The following ESRRB variants were observed in gnomAD, a reference collection of about 807,000 sequenced individuals.
ESRRB encodes estrogen related receptor beta.
ESRRB carries 16 observed loss-of-function variants against 46.0 expected under a neutral mutation model. The ratio of observed to expected loss-of-function variants is 0.35; its 90% CI spans 0.24 to 0.53. ESRRB has a LOEUF of 0.53. Ranked by LOEUF, ESRRB falls within the 20% of genes least tolerant of loss-of-function variation. ESRRB has a pLI of 0.93. For synonymous variants in ESRRB, 246 were observed against 259.6 expected (o/e 0.95, Z 0.50); for missense variants, 488 against 607.4 (o/e 0.80, Z 2.07).
At chr14:76,323,222 T>A (rs1883888602) in intron 1 of ESRRB, among the ~76,000 whole-genome samples, 1 of 152,130 alleles carries the variant, frequency 6.6e-6, no homozygotes, top group African/African-American at 2.4e-5. Flanking sequence ...CTCTAGAGCA[T>A]TCACATTCTT....
upstream of ESRRB, among the ~76,000 whole-genome samples, chr14:76,375,042 A>G (rs1370048634): frequency 6.6e-6 from 1 of 152,050 alleles, no homozygotes; most frequent in Non-Finnish European, 1.5e-5. Context: ...CATTATTTTG[A>G]TGATAAAATT....
intron 1 of ESRRB, among the ~76,000 whole-genome samples, chr14:76,331,839 G>A (rs1388291240): frequency 6.6e-6 from 1 of 151,718 alleles, no homozygotes; most frequent in Non-Finnish European, 1.5e-5. Context: ...CACGTGCCTG[G>A]CTTTGCTCAT....
rs547896117 is a variant in ESRRB at position 76,489,639 on chromosome 14, C to T, written c.851-1808C>T. ...AAGTTGTATAGATCAGTCTTGGGAA[C>T]TGTGATAATTCACTTGGAGAATGCT... On this transcript the variant is annotated intron_variant, in intron 5 of 6. Transcript: ENST00000644823. Among the ~76,000 whole-genome samples, 126 of 152,318 alleles carry T rather than the reference C, an allele frequency of 8.3e-4. 1 individual carries two copies. Among genetic ancestry groups the T allele is most frequent in the African/African-American group, 3.0e-3 (123 of 41,564 alleles).
chr14:76,395,574 C>T (rs940695233), intron 1 of ESRRB, among the ~76,000 whole-genome samples: 12 of 152,136 alleles, frequency 7.9e-5, no homozygotes, highest in African/African-American at 2.4e-4. Flanking sequence ...TCCCTGTGCA[C>T]GCTGGCCTCA....
intron 1 of ESRRB, among the ~76,000 whole-genome samples, chr14:76,416,454 C>T (rs1010942173): frequency 4.6e-5 from 7 of 151,530 alleles, no homozygotes; most frequent in African/African-American, 1.5e-4. Flanking sequence ...TTTTTCCCCC[C>T]GTCTCTGCTT....
At chr14:76,436,223 G>A (rs1232730236) in intron 1 of ESRRB, among the ~76,000 whole-genome samples, 5 of 152,326 alleles carry the variant, frequency 3.3e-5, no homozygotes, top group South Asian at 2.1e-4. Flanking sequence ...GCCATGAGAC[G>A]GGTGCAGGGA....
At chr14:76,373,370 A>G (rs1234441096), upstream of ESRRB, among the ~76,000 whole-genome samples, 2 of 152,066 alleles carry the variant, frequency 1.3e-5, no homozygotes, top group Non-Finnish European at 2.9e-5. Context: ...TTTTCTGGAG[A>G]AGAGATGACT....
chr14:76,416,898 C>A (rs984778191), intron 1 of ESRRB, among the ~76,000 whole-genome samples: 2 of 152,100 alleles, frequency 1.3e-5, no homozygotes, highest in East Asian at 3.9e-4. Context: ...AGATGATAAA[C>A]GGAGAAGCAA....
Position 76,500,056 on chromosome 14 carries a change from CAGG to C in ESRRB, c.*1602_*1604del. 6.4e-7 allele frequency: 1 copy of C among 1,551,176 alleles called. No homozygotes were observed. ...CAGATCTCACCCAGCACTAGGACAC[CAGG>C]AGGCCAGGTAACTTTCTGCAGCTTT... is the stretch of plus-strand genomic sequence containing the variant. On this transcript the variant is annotated 3_prime_UTR_variant, in exon 7 of 7. Coordinates refer to ENST00000644823, the MANE Select transcript of ESRRB (RefSeq NM_001379180.1).
chr14:76,430,841 G>A (rs951645401), intron 1 of ESRRB, among the ~76,000 whole-genome samples: 1 of 152,234 alleles, frequency 6.6e-6, no homozygotes, highest in East Asian at 1.9e-4. Context: ...TCTGGGGGCC[G>A]TCCTTCAGCC....
Position 76,482,556 on chromosome 14 carries a change from C to T in ESRRB, c.689-42C>T, listed in dbSNP as rs1429844639. ...CTGAGCCTCCACCCCGGCCCCTTTCCTCTTTTCCCAGCATTTACCTTTCCC... is the reference window on the plus strand; with the variant it reads ...CTGAGCCTCCACCCCGGCCCCTTTCTTCTTTTCCCAGCATTTACCTTTCCC... On this transcript the variant is annotated intron_variant, in intron 4 of 6. Transcript: ENST00000644823. This position sits in a 1 kb window ranked among gnomAD's most constrained non-coding sequence, Gnocchi z 4.3. 3.1e-6 allele frequency: 5 copies of T among 1,613,200 alleles called. No individual in the cohort carries two copies. Among genetic ancestry groups the T allele is most frequent in the East Asian group, 2.2e-5 (1 of 44,874 alleles).
intron 1 of ESRRB, among the ~76,000 whole-genome samples, chr14:76,425,635 T>C (rs1168129709): frequency 2.6e-5 from 4 of 152,152 alleles, no homozygotes; most frequent in African/African-American, 9.7e-5. Context: ...TAAATGTCAC[T>C]TCCTCAGAGA....
rs573220909 is a variant in ESRRB, at chr14:76,361,289, G to A, written c.2+50373G>A. Among the ~76,000 whole-genome samples the A allele has an allele frequency of 2.0e-5, 3 of 152,294 alleles. No individual in the cohort carries two copies. The South Asian group carries it at 6.2e-4, about 32-fold the overall frequency. On this transcript the variant is annotated intron_variant, in intron 1 of 6. Transcript: ENST00000512784. ...CCATTCAAGGTGGCTGCCTTGAGAT[G>A]TCCCTTATGATGGGAGGCTGGGATG...
At chr14:76,458,200 A>C (rs1349751430) in intron 2 of ESRRB, among the ~76,000 whole-genome samples, 6 of 152,034 alleles carry the variant, frequency 3.9e-5, no homozygotes, top group Admixed American at 3.9e-4. Flanking sequence ...CCTCAGCTGC[A>C]CGTGTGTGTG....
At chr14:76,372,924 G>A (rs1216958594), upstream of ESRRB, among the ~76,000 whole-genome samples, 1 of 152,248 alleles carries the variant, frequency 6.6e-6, no homozygotes, top group Non-Finnish European at 1.5e-5. Context: ...TGCTTTGCCA[G>A]ATATTCTCTG....
intron 2 of ESRRB, among the ~76,000 whole-genome samples, chr14:76,460,667 A>C (rs1231025052): frequency 6.6e-6 from 1 of 151,874 alleles, no homozygotes; most frequent in African/African-American, 2.4e-5. Flanking sequence ...ATACCAAAAC[A>C]GTACTGTGAT....
At chr14:76,351,970 G>A (rs1884318234) in intron 1 of ESRRB, among the ~76,000 whole-genome samples, 2 of 133,252 alleles carry the variant, frequency 1.5e-5, no homozygotes, top group Admixed American at 7.7e-5. Flanking sequence ...GGGAGACAGA[G>A]TGAGACCCAG....
intron 1 of ESRRB, among the ~76,000 whole-genome samples, chr14:76,338,697 C>A (rs1238524288): frequency 6.6e-6 from 1 of 152,168 alleles, no homozygotes; most frequent in Admixed American, 6.5e-5. Flanking sequence ...TGTAATCCCA[C>A]CACTTTGGGA....
intron 3 of ESRRB, among the ~76,000 whole-genome samples, chr14:76,480,168 A>T (rs1222127614): frequency 6.6e-6 from 1 of 152,138 alleles, no homozygotes; most frequent in Non-Finnish European, 1.5e-5. Flanking sequence ...CAGGGGAATT[A>T]CCTTTAAACA....
Sources: allele counts gnomAD v4.1 joint callset (sites outside exome capture counted in the v4.1 genomes callset), GRCh38; gene constraint gnomAD v4.1.1; non-coding constraint Gnocchi (gnomAD v3.1); transcripts MANE v1.5; gene names NCBI Gene and HGNC (gene_info 2026-07-23, HGNC 2026-07-21).